The following ELMO1 variants were observed in gnomAD, a reference collection of about 807,000 sequenced individuals.
ELMO1 encodes engulfment and cell motility protein 1.
In ELMO1, 26 loss-of-function variants were observed where a neutral mutation model predicts 98.9. That is an observed-to-expected ratio of 0.26 (90% CI 0.19 to 0.36). The LOEUF (loss-of-function observed/expected upper bound fraction) is 0.36, where lower values mean the gene tolerates loss of function less well. Ranked by LOEUF, ELMO1 falls within the 10% of genes least tolerant of loss-of-function variation. The pLI is 1.00. For missense variants in ELMO1, 627 were observed against 935.2 expected (o/e 0.67, Z 4.30); for synonymous variants, 346 against 346.0 (o/e 1.00, Z 0.00).
At chr7:37,027,198 G>A (rs1794631783) in intron 15 of ELMO1, among the ~76,000 whole-genome samples, 1 of 152,098 alleles carries the variant, frequency 6.6e-6, no homozygotes, top group African/African-American at 2.4e-5. Context: ...TCTCTTAAAA[G>A]AGAACAATGA....
intron 14 of ELMO1, among the ~76,000 whole-genome samples, chr7:37,114,230 AG>A (rs1433706245): frequency 6.6e-6 from 1 of 152,220 alleles, no homozygotes; most frequent in Non-Finnish European, 1.5e-5. Flanking sequence ...AAGACAGAAA[AG>A]ATGAGCAAGT....
chr7:37,135,539 G>A (rs146042652), intron 13 of ELMO1, among the ~76,000 whole-genome samples: 154 of 152,284 alleles, frequency 1.0e-3, no homozygotes, highest in African/African-American at 3.4e-3. Context: ...CCTGAAGACC[G>A]ATCATATCAC....
At chr7:37,177,701 G>C (rs552970934) in intron 13 of ELMO1, among the ~76,000 whole-genome samples, 1 of 152,298 alleles carries the variant, frequency 6.6e-6, no homozygotes, top group East Asian at 1.9e-4. Context: ...TCCAGCTGCT[G>C]GGTGGTCATG....
At chr7:37,097,373 A>C (rs1292860062) in intron 14 of ELMO1, among the ~76,000 whole-genome samples, 5 of 152,192 alleles carry the variant, frequency 3.3e-5, no homozygotes, top group African/African-American at 1.2e-4. Context: ...AAAATACTAA[A>C]AATAAAATAA....
At chr7:37,098,277 T>C (rs561557773) in intron 14 of ELMO1, among the ~76,000 whole-genome samples, 14 of 152,336 alleles carry the variant, frequency 9.2e-5, no homozygotes, top group African/African-American at 3.4e-4. Flanking sequence ...ACCAGGAAGA[T>C]GGCTGAGCCC....
intron 1 of ELMO1, among the ~76,000 whole-genome samples, chr7:37,441,815 A>T (rs1415161886): frequency 6.6e-6 from 1 of 152,228 alleles, no homozygotes; most frequent in Non-Finnish European, 1.5e-5. Context: ...TTAGAGAAAC[A>T]ACTGCAGTAT....
At chr7:36,909,686 G>A (rs1784212539) in intron 16 of ELMO1, among the ~76,000 whole-genome samples, 1 of 152,182 alleles carries the variant, frequency 6.6e-6, no homozygotes, top group South Asian at 2.1e-4. Context: ...AGTATTTTTG[G>A]TTTATTTGCC....
chr7:37,191,145 C>T lies in ELMO1; in HGVS notation c.1086+20241G>A, dbSNP rs369541876. On this transcript the variant is annotated intron_variant, in intron 13 of 21. Coordinates refer to ENST00000310758, the MANE Select transcript of ELMO1 (RefSeq NM_014800.11). ...TGGAGCTTGCAGTGAGCCGAGACCG[C>T]GCCACTGCACTCCAGCCTGGGTAAC... Among the ~76,000 whole-genome samples, 23 of 143,718 alleles carry T rather than the reference C, an allele frequency of 1.6e-4. No individual in the cohort carries two copies. The East Asian group carries it at 1.9e-3, about 12-fold the overall frequency. 94.3% of individuals were successfully genotyped at this position (143,718 alleles called of 152,430 possible).
At chr7:37,359,727 C>T (rs189298820) in intron 1 of ELMO1, among the ~76,000 whole-genome samples, 117 of 152,294 alleles carry the variant, frequency 7.7e-4, no homozygotes, top group Admixed American at 7.5e-3. Context: ...GAACAGTGCC[C>T]GGCACCGAGT....
At chr7:36,960,796 T>A (rs936016077) in intron 16 of ELMO1, among the ~76,000 whole-genome samples, 3 of 152,126 alleles carry the variant, frequency 2.0e-5, no homozygotes, top group African/African-American at 7.2e-5. Context: ...AAGACTTTGA[T>A]GAAGATCAGT....
At chr7:37,086,739 T>A in intron 15 of ELMO1, among the ~76,000 whole-genome samples, 1 of 95,140 alleles carries the variant, frequency 1.1e-5, no homozygotes, top group African/African-American at 6.0e-5. Context: ...TGAGATCCTG[T>A]CTCCAAAAAA....
chr7:37,165,192 G>C (rs1195351905), intron 13 of ELMO1, among the ~76,000 whole-genome samples: 40 of 152,188 alleles, frequency 2.6e-4, no homozygotes, highest in South Asian at 4.1e-4. Flanking sequence ...ATTTTGTATC[G>C]TGAGACTCTG....
rs568355438 is a variant in ELMO1 at position 37,342,455 on chromosome 7, T to A, written c.78+158A>T. Among the ~76,000 whole-genome samples the A allele has an allele frequency of 6.6e-6, 1 of 152,346 alleles. No individual in the cohort carries two copies. Among genetic ancestry groups the A allele is most frequent in the South Asian group, 2.1e-4 (1 of 4,832 alleles). On this transcript the variant is annotated intron_variant, in intron 2 of 21. Coordinates refer to ENST00000310758, the MANE Select transcript of ELMO1 (RefSeq NM_014800.11). This position sits in a 1 kb window ranked among gnomAD's most constrained non-coding sequence, Gnocchi z 4.3. ...TATAAAAACCCCATCCATCACTGTA[T>A]GTGCTACAGAAATCAAGCACATTGC...
intron 13 of ELMO1, among the ~76,000 whole-genome samples, chr7:37,145,719 T>C (rs112967912): frequency 0.016 from 2,513 of 152,362 alleles, 29 homozygotes; most frequent in Non-Finnish European, 0.024. Context: ...GGGAAAGCCT[T>C]TGAGGATTCA....
At chr7:37,246,866 C>A (rs111948589) in intron 6 of ELMO1, among the ~76,000 whole-genome samples, 5 of 150,982 alleles carry the variant, frequency 3.3e-5, no homozygotes, top group African/African-American at 1.2e-4. Context: ...CTATATATAT[C>A]TCTATCTATC....
At chr7:37,265,536 C>T (rs1562566001) in intron 5 of ELMO1, among the ~76,000 whole-genome samples, 1 of 152,020 alleles carries the variant, frequency 6.6e-6, no homozygotes, top group Non-Finnish European at 1.5e-5. Context: ...CTCCTATTCT[C>T]CCCGCTCTCA....
chr7:37,238,643 A>G (rs573189363), intron 7 of ELMO1, among the ~76,000 whole-genome samples: 2 of 152,358 alleles, frequency 1.3e-5, no homozygotes, highest in East Asian at 1.9e-4. Context: ...TCTGTAGGGT[A>G]GAAAACATTC....
chr7:36,917,826 G>A (rs572280488), intron 16 of ELMO1, among the ~76,000 whole-genome samples: 1 of 152,188 alleles, frequency 6.6e-6, no homozygotes, highest in Admixed American at 6.5e-5. Flanking sequence ...TGGTAGCAGG[G>A]AGCTGAGTGT....
At chr7:36,913,952 T>C (rs1466364575) in intron 16 of ELMO1, among the ~76,000 whole-genome samples, 3 of 152,238 alleles carry the variant, frequency 2.0e-5, no homozygotes, top group Non-Finnish European at 4.4e-5. Flanking sequence ...GATTATTACC[T>C]GAAAGTTCTA....
Sources: gnomAD v4.1 joint callset for allele counts (sites outside exome capture counted in the v4.1 genomes callset) on GRCh38, gnomAD v4.1.1 for gene constraint, Gnocchi (gnomAD v3.1) non-coding constraint, MANE v1.5 for transcripts, NCBI Gene and HGNC (gene_info 2026-07-23, HGNC 2026-07-21) for gene names.